Variants in FCSK observed in about 807,000 individuals in gnomAD.
FCSK encodes the protein L-fucose kinase.
In FCSK, 123 loss-of-function variants were observed where a neutral mutation model predicts 122.5. That is an observed-to-expected ratio of 1.00 (90% confidence interval 0.87 to 1.17). The LOEUF (loss-of-function observed/expected upper bound fraction) is 1.17. FCSK is among the 50% of genes most tolerant of loss of function. The probability of loss-of-function intolerance (pLI) is 0.00; values close to 1 mark genes in which losing one functional copy is unlikely to be tolerated. For synonymous variants in FCSK, 620 were observed against 625.5 expected (o/e 0.99, Z 0.13); for missense variants, 1,366 against 1,450.4 (o/e 0.94, Z 0.95).
chr16:70,467,314 G>T, intron 6 of FCSK, 60 bp from the exon 7 acceptor site: 1 of 1,240,224 alleles, frequency 8.1e-7, no homozygotes, highest in Non-Finnish European at 1.1e-6. Flanking sequence ...TCCACCTGGT[G>T]GGGAAATCCG....
intron 5 of FCSK, 117 bp from the exon 6 acceptor site, chr16:70,466,765 G>A (rs1211072250): frequency 1.2e-6 from 1 of 821,534 alleles, no homozygotes. Flanking sequence ...GTGGGTGGGG[G>A]CAGACCAGGT....
intron 4 of FCSK, among the ~76,000 whole-genome samples, chr16:70,465,492 C>G (rs1317456995): frequency 6.6e-6 from 1 of 151,560 alleles, no homozygotes; most frequent in Admixed American, 6.6e-5. Context: ...AACCTCATCT[C>G]TATAAGAAAT....
At position 70,475,497 on chromosome 16, in the gene FCSK, A is replaced by C; in HGVS notation, c.2521+4A>C. 6.2e-7 allele frequency: 1 copy of C among 1,601,108 alleles called. No individual in the cohort carries two copies. ...CTGCCCCACGGCTCTGGCCTGGGTG[A>C]GCGGGCCCTGCCTCCTGCTACCCAC... On this transcript the variant is annotated splice_donor_region_variant and intron_variant, in intron 19 of 23. Transcript: ENST00000288078.
At chr16:70,468,790 C>G in intron 8 of FCSK, 59 bp from the exon 9 acceptor site, 1 of 1,605,828 alleles carries the variant, frequency 6.2e-7, no homozygotes, top group Non-Finnish European at 8.5e-7. Context: ...CCCTCCCTGA[C>G]TTGTACCAGG....
rs569184921 is a variant in FCSK at position 70,467,492 on chromosome 16, G to A, written c.582+21G>A. The stretch of plus-strand genomic sequence containing the variant: ...CCCAGGTAGTGCCCCTGGGGACAGT[G>A]GAGCCGGCTGGGGCAGCCTTCCTCC... On this transcript the variant is annotated intron_variant, in intron 7 of 23. Coordinates refer to ENST00000288078, the MANE Select transcript of FCSK (RefSeq NM_145059.3). 1.5e-5 allele frequency: 24 copies of A among 1,551,614 alleles called. No homozygotes were observed. In the East Asian group the frequency reaches 5.1e-4, roughly 33 times the overall value.
chr16:70,479,118 A>G lies in FCSK; in HGVS notation c.2930-62A>G, dbSNP rs762214081. The stretch of plus-strand genomic sequence containing the variant: ...GCAGCACGTCTTGGCACTTCATGCA[A>G]TCTCCAGATGGGTGCTGAGTATCTT... On this transcript the variant is annotated intron_variant, in intron 22 of 23. Coordinates refer to ENST00000288078, the MANE Select transcript of FCSK (RefSeq NM_145059.3). 228 of 1,284,008 alleles carry G rather than the reference A, an allele frequency of 1.8e-4. 1 individual carries two copies. The highest frequency in any genetic ancestry group is 2.2e-4 in the Non-Finnish European group (195 of 901,634). 79.5% of individuals were successfully genotyped at this position (1,284,008 alleles called of 1,614,324 possible).
At position 70,463,177 on chromosome 16, in the gene FCSK, T is replaced by G; in HGVS notation, c.-14T>G. On this transcript the variant is annotated 5_prime_UTR_variant, in exon 2 of 24. Coordinates refer to ENST00000288078, the MANE Select transcript of FCSK (RefSeq NM_145059.3). ...CCATATTGCTGTCTCAGGAAGCCCC[T>G]CCGCTTGGCCAGAATGGAGCAGCCG... 4 of 1,612,462 alleles carry G rather than the reference T, an allele frequency of 2.5e-6. No homozygotes were observed. Among genetic ancestry groups the G allele is most frequent in the Non-Finnish European group, 2.5e-6 (3 of 1,178,794 alleles).
At chr16:70,479,002 G>A in intron 22 of FCSK, 178 bp from the exon 23 acceptor site, 1 of 651,300 alleles carries the variant, frequency 1.5e-6, no homozygotes, top group South Asian at 1.8e-5. Context: ...GTTGCTTCCT[G>A]CACATTGGTC....
chr16:70,479,293 C>A lies in FCSK; in HGVS notation c.3043C>A (p.His1015Asn), dbSNP rs191210378. ...VRRMMDVLAP[H>N]VHGQSLAGAG... ...GCGTATGATGGATGTCCTGGCCCCC[C>A]ACGTGCATGGCCAGAGCCTGGCTGG... The change falls in exon 23 of 24, where the codon CAC becomes AAC. Residue 1015 changes from histidine (H) to asparagine (N), a missense_variant. By Grantham distance (68) the His-to-Asn change is moderately conservative (BLOSUM62 1). Transcript: ENST00000288078. 311 of 1,614,042 alleles carry A rather than the reference C, an allele frequency of 1.9e-4. 3 individuals are homozygous for A. Among genetic ancestry groups the A allele is most frequent in the Admixed American group, 4.7e-4 (28 of 60,024 alleles).
intron 5 of FCSK, chr16:70,466,564 G>T: frequency 4.0e-6 from 2 of 496,146 alleles, no homozygotes; most frequent in Non-Finnish European, 7.2e-6. Context: ...GGGCATGATG[G>T]CATGCACTTG....
At chr16:70,455,833 A>G (rs1337251198) in intron 1 of FCSK, among the ~76,000 whole-genome samples, 2 of 151,742 alleles carry the variant, frequency 1.3e-5, no homozygotes, top group African/African-American at 4.9e-5. Flanking sequence ...CGGAGATTGC[A>G]GTGAGCCGAG....
chr16:70,478,647 C>T lies in FCSK; in HGVS notation c.2926C>T (p.Gln976Ter). The change falls in exon 22 of 24, where the codon CAA becomes TAA. Residue 976 changes from glutamine to a stop codon, truncating the protein, a stop_gained. Coordinates refer to ENST00000288078, the MANE Select transcript of FCSK (RefSeq NM_145059.3). LOFTEE classifies it high-confidence loss of function. ...TGAGGAGTGTGCTGAAGGCTTCCGC[C>T]AAGGTGAGGGGCTTCCTCTGGGGGG... ...QTEECAEGFRQGSLPLLGQCL... is the reference protein window; with the variant it reads ...QTEECAEGFR The T allele has an allele frequency of 1.2e-6, 2 of 1,613,074 alleles. No individual in the cohort carries two copies. The highest frequency in any genetic ancestry group is 1.7e-6 in the Non-Finnish European group (2 of 1,179,768).
chr16:70,467,052 G>A (rs569224522), intron 6 of FCSK, 98 bp downstream of exon 6: 52 of 1,139,366 alleles, frequency 4.6e-5, no homozygotes, highest in Admixed American at 3.6e-4. Context: ...GGCCTGCCCC[G>A]CTGCCCTATT....
At position 70,473,212 on chromosome 16, in the gene FCSK, C is replaced by G; in HGVS notation, c.1636C>G (p.Arg546Gly). 6.5e-7 allele frequency: 1 copy of G among 1,536,560 alleles called. No individual in the cohort carries two copies. Among genetic ancestry groups the G allele is most frequent in the Non-Finnish European group, 8.7e-7 (1 of 1,146,054 alleles). The part of the protein sequence containing the change: ...CLDRAATLAS[R>G]RDLFFRQALH... ...GGATCGGGCTGCCACGCTGGCCTCT[C>G]GCCGGGACCTGTTCTTCCGCCAGGC... Residue 546 changes from arginine (R) to glycine (G), a missense_variant, in exon 15 of 24, where the codon CGC (arginine) becomes GGC (glycine). Transcript: ENST00000288078. The surrounding 1 kb of genome is among the most constrained non-coding windows in gnomAD (Gnocchi z 4.9).
chr16:70,458,133 C>G (rs1428910085), intron 1 of FCSK, among the ~76,000 whole-genome samples: 1 of 149,006 alleles, frequency 6.7e-6, no homozygotes, highest in African/African-American at 2.4e-5. Context: ...GTCCTAGTGG[C>G]TATTATTAAT....
intron 20 of FCSK, among the ~76,000 whole-genome samples, chr16:70,477,146 G>T (rs2048842446): frequency 6.6e-6 from 1 of 152,120 alleles, no homozygotes; most frequent in Admixed American, 6.5e-5. Flanking sequence ...TAACTATCAA[G>T]GGCCTGTCCC....
intron 1 of FCSK, among the ~76,000 whole-genome samples, chr16:70,460,976 A>T (rs917086944): frequency 2.0e-5 from 3 of 152,166 alleles, no homozygotes; most frequent in East Asian, 3.9e-4. Context: ...GCATCCTGGG[A>T]GGAGCCTTCA....
At chr16:70,472,937 G>C in intron 14 of FCSK, 46 bp from the exon 15 acceptor site, 1 of 1,559,812 alleles carries the variant, frequency 6.4e-7, no homozygotes, top group Non-Finnish European at 8.7e-7. Context: ...GGAAGAGACT[G>C]GAGCTTTTGC....
intron 1 of FCSK, among the ~76,000 whole-genome samples, chr16:70,457,285 C>T (rs557288070): frequency 9.2e-5 from 14 of 152,034 alleles, no homozygotes; most frequent in East Asian, 3.9e-4. Flanking sequence ...GAGACAGAGT[C>T]GCTCTGTTGC....
Sources: gnomAD v4.1 joint callset for allele counts (sites outside exome capture counted in the v4.1 genomes callset) on GRCh38, gnomAD v4.1.1 for gene constraint, Gnocchi (gnomAD v3.1) non-coding constraint, MANE v1.5 for transcripts, NCBI Gene and HGNC (gene_info 2026-07-23, HGNC 2026-07-21) for gene names.